EDIL3: variants seen among roughly 807,000 people sequenced by gnomAD.
EDIL3 encodes EGF like and discoidin domains 3.
In EDIL3, 37 loss-of-function variants were observed where a neutral mutation model predicts 67.4. That is an observed-to-expected ratio of 0.55 (90% confidence interval 0.42 to 0.72). EDIL3 has a LOEUF of 0.72. Ranked by LOEUF, EDIL3 falls within the 30% of genes least tolerant of loss-of-function variation. The probability of loss-of-function intolerance (pLI) is 0.00; values close to 1 mark genes in which losing one functional copy is unlikely to be tolerated. For synonymous variants in EDIL3, 195 were observed against 196.3 expected (o/e 0.99, Z 0.05); for missense variants, 527 against 586.3 (o/e 0.90, Z 1.04).
At chr5:84,100,014 G>A (rs1747333034) in intron 6 of EDIL3, among the ~76,000 whole-genome samples, 2 of 151,820 alleles carry the variant, frequency 1.3e-5, no homozygotes, top group Non-Finnish European at 2.9e-5. Flanking sequence ...AGTAGAAATC[G>A]AAACCACAAT....
chr5:84,138,456 C>A (rs1748131116), intron 4 of EDIL3, among the ~76,000 whole-genome samples: 1 of 152,164 alleles, frequency 6.6e-6, no homozygotes, highest in Admixed American at 6.5e-5. Context: ...AACTTTCTAC[C>A]AAAACAATAG....
chr5:84,310,306 C>G (rs960228314), intron 1 of EDIL3, among the ~76,000 whole-genome samples: 2 of 152,030 alleles, frequency 1.3e-5, no homozygotes, highest in African/African-American at 4.8e-5. Flanking sequence ...GTAATTTATC[C>G]AAAGTGTGAG....
chr5:84,196,788 A>T (rs567420242), intron 3 of EDIL3: 2 of 152,172 alleles, frequency 1.3e-5, no homozygotes, highest in African/African-American at 4.8e-5. Flanking sequence ...TCAACACATA[A>T]GAAAATGCTT....
intron 9 of EDIL3, among the ~76,000 whole-genome samples, chr5:84,047,038 T>G (rs1746236924): frequency 6.6e-6 from 1 of 152,148 alleles, no homozygotes; most frequent in Admixed American, 6.5e-5. Flanking sequence ...GCACCTGACA[T>G]TGTGTTTTGT....
At chr5:84,226,544 A>G (rs758776057) in intron 3 of EDIL3, among the ~76,000 whole-genome samples, 3 of 151,820 alleles carry the variant, frequency 2.0e-5, no homozygotes, top group Non-Finnish European at 4.4e-5. Context: ...CAAATCTGAT[A>G]ATATTTTGCC....
At chr5:84,059,090 G>A (rs927614622) in intron 9 of EDIL3, among the ~76,000 whole-genome samples, 3 of 151,980 alleles carry the variant, frequency 2.0e-5, no homozygotes, top group Non-Finnish European at 2.9e-5. Flanking sequence ...GAAAAAGTAA[G>A]GCCAACTGAA....
intron 1 of EDIL3, among the ~76,000 whole-genome samples, chr5:84,358,600 T>TC (rs1157834787): frequency 7.9e-6 from 1 of 126,786 alleles, no homozygotes; most frequent in East Asian, 2.2e-4. Flanking sequence ...TCCTTTTTTT[T>TC]TTTTTTTTTT....
intron 1 of EDIL3, among the ~76,000 whole-genome samples, chr5:84,272,659 T>C (rs768235341): frequency 1.3e-5 from 2 of 152,208 alleles, no homozygotes; most frequent in Non-Finnish European, 2.9e-5. Context: ...AACTCATAAA[T>C]GGTATAATTC....
intron 2 of EDIL3, among the ~76,000 whole-genome samples, chr5:84,248,977 C>T (rs115015784): frequency 2.7e-5 from 4 of 150,370 alleles, no homozygotes; most frequent in Non-Finnish European, 4.5e-5. Flanking sequence ...AACAGAAATA[C>T]AAAATCTCTT....
intron 4 of EDIL3, among the ~76,000 whole-genome samples, chr5:84,168,516 G>A (rs934435834): frequency 2.6e-5 from 4 of 151,932 alleles, no homozygotes; most frequent in Non-Finnish European, 4.4e-5. Context: ...TTGAAAGATA[G>A]AAAGAGTGGC....
chr5:83,980,166 C>G (rs896529054), intron 9 of EDIL3, among the ~76,000 whole-genome samples: 1 of 151,816 alleles, frequency 6.6e-6, no homozygotes, highest in Non-Finnish European at 1.5e-5. Flanking sequence ...ACCTATTTTC[C>G]TTTCTTTAGT....
chr5:83,959,126 C>T (rs1022754112), intron 10 of EDIL3, among the ~76,000 whole-genome samples: 2 of 149,870 alleles, frequency 1.3e-5, no homozygotes, highest in Non-Finnish European at 1.5e-5. Context: ...CTTCAGTTGA[C>T]TTTTGGCATG....
At chr5:84,073,327 G>A (rs1228673700) in intron 6 of EDIL3, among the ~76,000 whole-genome samples, 1 of 152,132 alleles carries the variant, frequency 6.6e-6, no homozygotes, top group Non-Finnish European at 1.5e-5. Context: ...ATTCAACATA[G>A]TGTTGGAAGT....
intron 9 of EDIL3, among the ~76,000 whole-genome samples, chr5:83,983,274 ATG>A (rs1176791548): frequency 6.6e-6 from 1 of 152,138 alleles, no homozygotes; most frequent in Admixed American, 6.6e-5. Context: ...TGCTCCAATC[ATG>A]TTTCTGTAAT....
At chr5:83,963,074 T>TA in intron 10 of EDIL3, 131 bp downstream of exon 10, 1 of 1,208,722 alleles carries the variant, frequency 8.3e-7, no homozygotes, top group East Asian at 2.7e-5. Flanking sequence ...TAAAGCTTTT[T>TA]ATTTAACATA....
chr5:83,964,704 T>A (rs1443124770), intron 9 of EDIL3, among the ~76,000 whole-genome samples: 2 of 152,094 alleles, frequency 1.3e-5, no homozygotes, highest in African/African-American at 2.4e-5. Flanking sequence ...TTGTTAACTT[T>A]TTGGAGCATG....
intron 3 of EDIL3, among the ~76,000 whole-genome samples, chr5:84,220,224 T>C (rs906114200): frequency 1.3e-5 from 2 of 152,160 alleles, no homozygotes; most frequent in African/African-American, 4.8e-5. Flanking sequence ...ATATGTGCCA[T>C]GAATATATAC....
chr5:84,284,608 A>T (rs1318194106), intron 1 of EDIL3, among the ~76,000 whole-genome samples: 1 of 152,160 alleles, frequency 6.6e-6, no homozygotes, highest in Admixed American at 6.6e-5. Context: ...GGGTTACATG[A>T]TTACTTTTCT....
chr5:84,160,333 T>C (rs1748580522), intron 4 of EDIL3, among the ~76,000 whole-genome samples: 1 of 152,124 alleles, frequency 6.6e-6, no homozygotes, highest in Non-Finnish European at 1.5e-5. Flanking sequence ...AAACAACTAC[T>C]CTATAAGTAG....
Sources: allele counts gnomAD v4.1 joint callset (sites outside exome capture counted in the v4.1 genomes callset), GRCh38; gene constraint gnomAD v4.1.1; transcripts MANE v1.5; gene names NCBI Gene and HGNC (gene_info 2026-07-23, HGNC 2026-07-21).